CSNK2A2IP: variants seen among roughly 807,000 people sequenced by gnomAD.
CSNK2A2IP encodes casein kinase II subunit alpha'-interacting protein.
the CSNK2A2IP span, among the ~76,000 whole-genome samples, chr3:88,407,417 T>TC: frequency 6.6e-6 from 1 of 152,096 alleles, no homozygotes; most frequent in East Asian, 1.9e-4. Context: ...CAAAACAATA[T>TC]TATGCTAGTA....
chr3:88,465,494 T>A, the CSNK2A2IP span: 1 of 1,231,730 alleles, frequency 8.1e-7, no homozygotes, highest in Non-Finnish European at 1.0e-6. Flanking sequence ...ATGGCCAAAG[T>A]GCAATCCCAT....
the CSNK2A2IP span, among the ~76,000 whole-genome samples, chr3:88,431,688 C>T: frequency 6.6e-6 from 1 of 152,096 alleles, no homozygotes; most frequent in Non-Finnish European, 1.5e-5. Context: ...ACATAAATTA[C>T]ATGGATAAGA....
At chr3:88,358,073 C>T in the CSNK2A2IP span, among the ~76,000 whole-genome samples, 66 of 151,926 alleles carry the variant, frequency 4.3e-4, 1 homozygote, top group Non-Finnish European at 1.6e-4. Flanking sequence ...AAGTTTATTC[C>T]AGGTATTTTA....
chr3:88,435,962 G>A, the CSNK2A2IP span, among the ~76,000 whole-genome samples: 1 of 115,076 alleles, frequency 8.7e-6, no homozygotes, highest in South Asian at 2.6e-4. Context: ...CACATTATGT[G>A]TGCATTATAT....
At chr3:88,388,045 T>C in the CSNK2A2IP span, among the ~76,000 whole-genome samples, 13 of 152,174 alleles carry the variant, frequency 8.5e-5, no homozygotes, top group African/African-American at 2.9e-4. Flanking sequence ...TTCCCCAAAT[T>C]TGGCTGCTTA....
At chr3:88,347,378 T>G in the CSNK2A2IP span, among the ~76,000 whole-genome samples, 2 of 152,018 alleles carry the variant, frequency 1.3e-5, no homozygotes, top group African/African-American at 4.8e-5. Context: ...GAGAAGTCTT[T>G]CATGAAATCA....
chr3:88,388,173 C>T, the CSNK2A2IP span, among the ~76,000 whole-genome samples: 35 of 152,262 alleles, frequency 2.3e-4, no homozygotes, highest in Middle Eastern at 3.4e-3. Context: ...AATTCCATGA[C>T]GTCTTTGCTG....
chr3:88,346,631 T>A, the CSNK2A2IP span, among the ~76,000 whole-genome samples: 2 of 152,058 alleles, frequency 1.3e-5, no homozygotes, highest in African/African-American at 4.8e-5. Flanking sequence ...AATATTTTAA[T>A]GCCAATGTTG....
chr3:88,438,553 C>T, the CSNK2A2IP span, among the ~76,000 whole-genome samples: 1 of 152,128 alleles, frequency 6.6e-6, no homozygotes, highest in Non-Finnish European at 1.5e-5. Context: ...ATAAGACCCT[C>T]ATTCCAGAAG....
the CSNK2A2IP span, among the ~76,000 whole-genome samples, chr3:88,395,947 G>T: frequency 5.7e-3 from 864 of 152,040 alleles, 3 homozygotes; most frequent in Admixed American, 9.0e-3. Flanking sequence ...AATATTTTTT[G>T]AGTATCTGCT....
At chr3:88,383,728 A>T in the CSNK2A2IP span, among the ~76,000 whole-genome samples, 1 of 125,520 alleles carries the variant, frequency 8.0e-6, no homozygotes, top group Non-Finnish European at 1.6e-5. Context: ...CAGTGGCGCG[A>T]TCTCAGCTCA....
chr3:88,410,269 C>G, the CSNK2A2IP span, among the ~76,000 whole-genome samples: 1 of 152,020 alleles, frequency 6.6e-6, no homozygotes, highest in Non-Finnish European at 1.5e-5. Flanking sequence ...CCCACCTCCA[C>G]ATATTTCCAA....
chr3:88,420,324 A>AT, the CSNK2A2IP span, among the ~76,000 whole-genome samples: 3 of 152,252 alleles, frequency 2.0e-5, no homozygotes, highest in East Asian at 5.8e-4. Context: ...TACTATACCC[A>AT]TTTATCTTGC....
chr3:88,393,403 G>A, the CSNK2A2IP span, among the ~76,000 whole-genome samples: 6 of 152,288 alleles, frequency 3.9e-5, 1 homozygote, highest in South Asian at 1.0e-3. Flanking sequence ...AGTAATTTTA[G>A]GAATGGAAGG....
At chr3:88,455,906 TG>T in the CSNK2A2IP span, among the ~76,000 whole-genome samples, 8 of 70,670 alleles carry the variant, frequency 1.1e-4, no homozygotes, top group Non-Finnish European at 2.6e-4. Context: ...TCCTATTTAA[TG>T]ATTTTTTTTT....
the CSNK2A2IP span, among the ~76,000 whole-genome samples, chr3:88,463,810 C>T: frequency 3.3e-5 from 5 of 151,888 alleles, no homozygotes; most frequent in Non-Finnish European, 5.9e-5. Flanking sequence ...GGGTATATAC[C>T]CAAAGGATTA....
At chr3:88,360,284 C>G in the CSNK2A2IP span, among the ~76,000 whole-genome samples, 1 of 151,956 alleles carries the variant, frequency 6.6e-6, no homozygotes, top group Non-Finnish European at 1.5e-5. Flanking sequence ...CAGGCGCCCA[C>G]CACAACGCCC....
chr3:88,446,147 A>T, the CSNK2A2IP span, among the ~76,000 whole-genome samples: 2 of 140,432 alleles, frequency 1.4e-5, no homozygotes, highest in African/African-American at 2.7e-5. Flanking sequence ...CCACTCTATT[A>T]CCCAGGCTGG....
chr3:88,360,207 C>A, the CSNK2A2IP span, among the ~76,000 whole-genome samples: 1 of 150,380 alleles, frequency 6.6e-6, no homozygotes, highest in Non-Finnish European at 1.5e-5. Context: ...GTGATCTTGG[C>A]TCACCACAAC....
Sources: allele counts gnomAD v4.1 joint callset (sites outside exome capture counted in the v4.1 genomes callset), GRCh38; gene constraint gnomAD v4.1.1; transcripts MANE v1.5; gene names NCBI Gene and HGNC (gene_info 2026-07-23, HGNC 2026-07-21).